Variants in SORD observed in about 807,000 individuals in gnomAD.
The protein encoded by SORD is sorbitol dehydrogenase.
Under a neutral mutation model 35.6 loss-of-function variants are expected in SORD, and 18 were observed. The observed-to-expected ratio is 0.51, with a 90% CI of 0.35 to 0.75. The LOEUF is 0.75. Among genes scored for constraint, SORD ranks in the 30% least tolerant of loss-of-function variants. SORD has a pLI of 0.01. For synonymous variants in SORD, 106 were observed against 152.9 expected (o/e 0.69, Z 2.26); for missense variants, 250 against 390.2 (o/e 0.64, Z 3.03).
chr15:45,054,929 C>T (rs1284787559), intron 3 of SORD, among the ~76,000 whole-genome samples: 1 of 152,104 alleles, frequency 6.6e-6, no homozygotes, highest in Non-Finnish European at 1.5e-5. Flanking sequence ...TTGTTTTTCT[C>T]AGGTTTGTCA....
At chr15:45,047,546 G>A (rs1893063794) in intron 3 of SORD, among the ~76,000 whole-genome samples, 1 of 152,176 alleles carries the variant, frequency 6.6e-6, no homozygotes, top group Non-Finnish European at 1.5e-5. Flanking sequence ...TTTGTGATGT[G>A]CCTTTCCTGG....
chr15:45,059,857 C>A (rs1893274539), intron 3 of SORD, among the ~76,000 whole-genome samples: 1 of 152,080 alleles, frequency 6.6e-6, no homozygotes, highest in Admixed American at 6.6e-5. Context: ...CTGAAAGAAG[C>A]AAGATTCAAA....
chr15:45,048,676 G>A (rs914217942), intron 3 of SORD, among the ~76,000 whole-genome samples: 5 of 152,198 alleles, frequency 3.3e-5, no homozygotes, highest in Admixed American at 3.3e-4. Flanking sequence ...GTGTTATCCA[G>A]AGTTCTTTGT....
intron 3 of SORD, chr15:45,050,480 G>T (rs1293473558): frequency 6.6e-6 from 1 of 152,250 alleles, no homozygotes; most frequent in Non-Finnish European, 1.5e-5. Flanking sequence ...CATGGAGCCT[G>T]TTAGAAAGTG....
In SORD at chr15:45,023,225, A is replaced by C; in HGVS notation, c.-59A>C. The stretch of plus-strand genomic sequence containing the variant: ...CCTGGACCCTCGGCTGGGTAGCGCC[A>C]CCAGAGCGACCAAACGTCCCGCGCC... On this transcript the variant is annotated 5_prime_UTR_variant, in exon 1 of 9. Coordinates refer to ENST00000267814, the MANE Select transcript of SORD (RefSeq NM_003104.6). 7.0e-7 allele frequency: 1 copy of C among 1,437,244 alleles called. No individual in the cohort carries two copies. Among genetic ancestry groups the C allele is most frequent in the Admixed American group, 2.5e-5 (1 of 40,414 alleles). The allele number at this position is 1,437,244 out of a possible 1,614,324, so 89.0% of individuals were successfully genotyped here. A position where few individuals can be genotyped will look rare whatever the true frequency, so the allele number is the denominator to read the frequency against.
chr15:45,029,247 A>G (rs1260442691), intron 1 of SORD, among the ~76,000 whole-genome samples: 1 of 152,286 alleles, frequency 6.6e-6, no homozygotes, highest in Non-Finnish European at 1.5e-5. Context: ...AAATCCAGTA[A>G]ACACTCCCAC....
At chr15:45,040,565 C>A (rs1566959109) in intron 2 of SORD, 124 bp downstream of exon 2, 1 of 774,378 alleles carries the variant, frequency 1.3e-6, no homozygotes, top group Non-Finnish European at 2.2e-6. Flanking sequence ...CATTAAAAAC[C>A]TATGCTTTTG....
At chr15:45,031,085 G>C (rs993589787) in intron 1 of SORD, among the ~76,000 whole-genome samples, 9 of 152,362 alleles carry the variant, frequency 5.9e-5, no homozygotes, top group African/African-American at 2.2e-4. Flanking sequence ...CAGCACTTTG[G>C]GAAGCTGAGG....
intron 3 of SORD, among the ~76,000 whole-genome samples, chr15:45,045,864 G>A (rs1893039624): frequency 6.6e-6 from 1 of 151,992 alleles, no homozygotes; most frequent in South Asian, 2.1e-4. Context: ...AGCTGGGTGT[G>A]GTAGTGTGCA....
At chr15:45,053,246 A>C (rs1436541481) in intron 3 of SORD, among the ~76,000 whole-genome samples, 1 of 152,172 alleles carries the variant, frequency 6.6e-6, no homozygotes, top group Non-Finnish European at 1.5e-5. Flanking sequence ...CATCCAACAC[A>C]TCCTATCAGA....
intron 3 of SORD, among the ~76,000 whole-genome samples, chr15:45,052,774 C>A (rs1450523681): frequency 1.3e-5 from 2 of 152,122 alleles, no homozygotes; most frequent in African/African-American, 4.8e-5. Flanking sequence ...CACTGAACAT[C>A]CAGTCATGGA....
At chr15:45,070,958 C>G (rs1445475224) in intron 7 of SORD, among the ~76,000 whole-genome samples, 4 of 152,214 alleles carry the variant, frequency 2.6e-5, no homozygotes, top group Non-Finnish European at 5.9e-5. Flanking sequence ...GAAGCAGTGT[C>G]TCTCCTGACG....
intron 1 of SORD, among the ~76,000 whole-genome samples, chr15:45,029,811 G>A (rs1048630766): frequency 1.3e-5 from 2 of 152,260 alleles, no homozygotes; most frequent in African/African-American, 4.8e-5. Context: ...GAACTGGAGA[G>A]GGGATGGGAA....
At chr15:45,070,232 T>C (rs1218368410) in intron 7 of SORD, 1 of 152,102 alleles carries the variant, frequency 6.6e-6, no homozygotes, top group Non-Finnish European at 1.5e-5. Flanking sequence ...ACAACCATGC[T>C]AGGGTGGGGG....
intron 1 of SORD, among the ~76,000 whole-genome samples, chr15:45,034,633 C>G (rs3110586): frequency 0.018 from 2,745 of 152,168 alleles, 67 homozygotes; most frequent in African/African-American, 0.061. Context: ...GCAGCGGGAG[C>G]AGCTGAAGGG....
chr15:45,034,119 A>G (rs1281864849), intron 1 of SORD, among the ~76,000 whole-genome samples: 2 of 151,822 alleles, frequency 1.3e-5, no homozygotes, highest in African/African-American at 2.4e-5. Flanking sequence ...CTAATTATGG[A>G]AAAAGAACTT....
At chr15:45,046,793 A>C (rs1421456621) in intron 3 of SORD, among the ~76,000 whole-genome samples, 2 of 152,168 alleles carry the variant, frequency 1.3e-5, no homozygotes, top group Admixed American at 6.5e-5. Flanking sequence ...TGATGCAGGC[A>C]GATCACTTGA....
In SORD at chr15:45,023,263, C is replaced by A; in HGVS notation, c.-21C>A. The stretch of plus-strand genomic sequence containing the variant: ...AACGTCCCGCGCCTTCCAGGCCGCA[C>A]TCCAGAGCCAAAAGAGCTCCATGGC... On this transcript the variant is annotated 5_prime_UTR_variant, in exon 1 of 9. Transcript: ENST00000267814. 6 of 1,561,984 alleles carry A rather than the reference C, an allele frequency of 3.8e-6. No homozygotes were observed. The highest frequency in any genetic ancestry group is 5.2e-6 in the Non-Finnish European group (6 of 1,155,440).
intron 3 of SORD, among the ~76,000 whole-genome samples, chr15:45,049,960 A>G (rs1327849872): frequency 6.6e-6 from 1 of 152,256 alleles, no homozygotes; most frequent in East Asian, 1.9e-4. Flanking sequence ...GTTGTTTGCA[A>G]AATAAACTTT....
Sources: allele counts gnomAD v4.1 joint callset (sites outside exome capture counted in the v4.1 genomes callset), GRCh38; gene constraint gnomAD v4.1.1; transcripts MANE v1.5; gene names NCBI Gene and HGNC (gene_info 2026-07-23, HGNC 2026-07-21).